Variants in ADAP1 observed in about 807,000 individuals in gnomAD.
ADAP1 encodes arf-GAP with dual PH domain-containing protein 1.
ADAP1 carries 31 observed loss-of-function variants against 54.9 expected under a neutral mutation model. The observed-to-expected ratio is 0.56, with a 90% confidence interval of 0.42 to 0.76. ADAP1 has a LOEUF of 0.76. Among genes scored for constraint, ADAP1 ranks in the 30% least tolerant of loss-of-function variants. The pLI is 0.00. For synonymous variants in ADAP1, 313 were observed against 202.6 expected, an observed-to-expected ratio of 1.55 and a Z score of -4.63; for missense variants, 535 against 512.4, an observed-to-expected ratio of 1.04 and a Z score of -0.42.
chr7:905,268 GAC>G (rs2128095032), intron 4 of ADAP1, 96 bp from the exon 5 acceptor site: 1 of 664,732 alleles, frequency 1.5e-6, no homozygotes, highest in East Asian at 4.0e-5. Context: ...ATGGGGAGAA[GAC>G]ACGGGGGACA....
At chr7:904,534 GC>G (rs1265075222) in intron 5 of ADAP1, among the ~76,000 whole-genome samples, 18 of 152,134 alleles carry the variant, frequency 1.2e-4, no homozygotes, top group Non-Finnish European at 2.5e-4. Context: ...CCCGGGGGCA[GC>G]CCCGGGCCCC....
chr7:955,138 G>A, upstream of ADAP1: 1 of 643,378 alleles, frequency 1.6e-6, no homozygotes, highest in South Asian at 1.8e-5. Flanking sequence ...GGCCACACAG[G>A]GCCCAGACGG....
At chr7:899,819 T>C (rs35682451) in intron 8 of ADAP1, among the ~76,000 whole-genome samples, 19,455 of 152,094 alleles carry the variant, frequency 0.13, 1,647 homozygotes, top group Admixed American at 0.29. Context: ...TCCCACATTA[T>C]GCCTCAGGGA....
chr7:905,302 GGGAGACGGACGGGGA>G (rs1342365081), intron 4 of ADAP1, 130 bp from the exon 5 acceptor site: 4,305 of 356,752 alleles, frequency 0.012, 463 homozygotes, highest in Non-Finnish European at 0.013. Flanking sequence ...CACGGACAGG[GGGAGACGGACGGGGA>G]GAGGGGACAT....
Position 900,883 on chromosome 7 carries a change from A to AGGGCCGGGCC in ADAP1, c.649-277_649-268dup, listed in dbSNP as rs768360845. 2.8e-3 allele frequency: 1,084 copies of AGGGCCGGGCC among 393,408 alleles called. 7 individuals are homozygous for AGGGCCGGGCC. The highest frequency in any genetic ancestry group is 0.012 in the Middle Eastern group (19 of 1,578). The allele number at this position is 393,408 out of a possible 1,614,324, so 24.4% of individuals were successfully genotyped here. A position where few individuals can be genotyped will look rare whatever the true frequency, so the allele number is the denominator to read the frequency against. ...GTCCTGAGAAGGGCCGAAGGGCCGA[A>AGGGCCGGGCC]GGGCCGGGCCGGGCCGGGCTGGACA... is the stretch of plus-strand genomic sequence containing the variant. On this transcript the variant is annotated intron_variant, in intron 6 of 10. Transcript: ENST00000265846.
At position 945,891 on chromosome 7, in the gene ADAP1, AGGCTGGGGCACG is replaced by A. The variant is rs2128111857; in HGVS notation, c.82+8493_82+8504del. ...AGGCGTGTCCCCCAAGCCAAGGCCC[AGGCTGGGGCACG>A]GGCAGGGGGAAGGGCAGTAGCCAAG... On this transcript the variant is annotated intron_variant, in intron 1 of 10. Coordinates refer to ENST00000265846, the MANE Select transcript of ADAP1 (RefSeq NM_006869.4). The surrounding 1 kb of genome is among the most constrained non-coding windows in gnomAD (Gnocchi z 4.2). The A allele has an allele frequency of 2.1e-6, 2 of 939,898 alleles. No homozygotes were observed. The highest frequency in any genetic ancestry group is 2.3e-4 in the East Asian group (2 of 8,622). The allele number at this position is 939,898 out of a possible 1,614,324, so 58.2% of individuals were successfully genotyped here.
At chr7:947,017 G>A (rs895218077) in intron 1 of ADAP1, among the ~76,000 whole-genome samples, 5 of 152,012 alleles carry the variant, frequency 3.3e-5, no homozygotes, top group Non-Finnish European at 7.4e-5. Context: ...CATATGAATT[G>A]CACCTCGATT....
chr7:937,101 C>T (rs1040964369), intron 1 of ADAP1, among the ~76,000 whole-genome samples: 1 of 114,000 alleles, frequency 8.8e-6, no homozygotes, highest in African/African-American at 3.6e-5. Context: ...CACGCCGGGC[C>T]TCGGATTTGG....
rs201861746 is a variant in ADAP1, at chr7:929,528, A to AC, written c.214-2885_214-2884insG. 8.7e-3 allele frequency among the ~76,000 whole-genome samples: 1,293 copies of AC among 148,944 alleles called. 124 individuals are homozygous for AC. In the East Asian group the frequency reaches 0.21, roughly 24 times the overall value. On this transcript the variant is annotated intron_variant, in intron 2 of 10. Coordinates refer to ENST00000265846, the MANE Select transcript of ADAP1 (RefSeq NM_006869.4). ...ACACCCTGTCTCAAAAAAAAAAAAAAAAAAAAACAAGACCACGTATTGCAT... is the reference window on the plus strand; with the variant it reads ...ACACCCTGTCTCAAAAAAAAAAAAAACAAAAAAACAAGACCACGTATTGCAT...
chr7:913,709 C>T (rs952241714), intron 4 of ADAP1, among the ~76,000 whole-genome samples: 8 of 151,880 alleles, frequency 5.3e-5, no homozygotes, highest in Admixed American at 2.0e-4. Flanking sequence ...CCGAGGCGGG[C>T]GGGTCACCTG....
chr7:922,452 A>C (rs1846224484), intron 3 of ADAP1, among the ~76,000 whole-genome samples: 2 of 152,178 alleles, frequency 1.3e-5, no homozygotes, highest in African/African-American at 4.8e-5. Context: ...TCTGAGCCCC[A>C]GAAGCCACTT....
At chr7:915,690 G>A (rs1487719304) in intron 4 of ADAP1, among the ~76,000 whole-genome samples, 1 of 149,996 alleles carries the variant, frequency 6.7e-6, no homozygotes, top group African/African-American at 2.4e-5. Context: ...AGTGGGGCAG[G>A]AACAGGATTC....
chr7:920,132 A>G lies in ADAP1; in HGVS notation c.306-82T>C. 7.6e-7 allele frequency: 1 copy of G among 1,322,998 alleles called. No homozygotes were observed. The highest frequency in any genetic ancestry group is 1.1e-6 in the Non-Finnish European group (1 of 948,382). 82.0% of individuals were successfully genotyped at this position (1,322,998 alleles called of 1,614,324 possible). ...CGCCGCTCTCTGGCCCGGACCCTGG[A>G]CATCTCAAGAGGCTCATAGGGACCC... On this transcript the variant is annotated intron_variant, in intron 3 of 10. Coordinates refer to ENST00000265846, the MANE Select transcript of ADAP1 (RefSeq NM_006869.4). The surrounding 1 kb of genome is among the most constrained non-coding windows in gnomAD (Gnocchi z 4.5).
chr7:907,201 C>T (rs986231984), intron 4 of ADAP1, among the ~76,000 whole-genome samples: 1 of 152,180 alleles, frequency 6.6e-6, no homozygotes, highest in African/African-American at 2.4e-5. Flanking sequence ...AAAAGTAGCC[C>T]GGGCATCCCC....
chr7:954,625 C>T lies in ADAP1; in HGVS notation c.-148G>A, dbSNP rs1562940772. On this transcript the variant is annotated 5_prime_UTR_variant, in exon 1 of 11. Transcript: ENST00000265846. ...CCGCGCGCCGGTTCCGCATTCCCGC[C>T]GCCCTCTGGGCTCCGCCGCCGCCGC... 2.0e-6 allele frequency: 2 copies of T among 982,570 alleles called. No homozygotes were observed. Among genetic ancestry groups the T allele is most frequent in the Non-Finnish European group, 2.4e-6 (2 of 828,986 alleles). 60.9% of individuals were successfully genotyped at this position (982,570 alleles called of 1,614,324 possible).
intron 7 of ADAP1, 103 bp from the exon 8 acceptor site, chr7:900,267 T>C: frequency 7.0e-7 from 1 of 1,422,192 alleles, no homozygotes; most frequent in East Asian, 2.3e-5. Context: ...GGCCACCAGG[T>C]CAGGGCCCAG....
In ADAP1 at chr7:949,564, C is replaced by T. The variant is rs147584852; in HGVS notation, c.82+4832G>A. ...TGAGGTCTAGCTCACAGCATCTGTG[C>T]GTCGGGGAAGCTGGCTGCGGTCACG... On this transcript the variant is annotated intron_variant, in intron 1 of 10. Transcript: ENST00000265846. Among the ~76,000 whole-genome samples the T allele has an allele frequency of 2.7e-3, 407 of 152,340 alleles. 1 individual carries two copies. The highest frequency in any genetic ancestry group is 9.4e-3 in the African/African-American group (392 of 41,578).
intron 4 of ADAP1, among the ~76,000 whole-genome samples, chr7:915,549 C>T (rs534989674): frequency 3.3e-5 from 5 of 152,350 alleles, no homozygotes; most frequent in East Asian, 1.9e-4. Context: ...ACCTCTGCCC[C>T]GACTCTACCC....
intron 2 of ADAP1, among the ~76,000 whole-genome samples, chr7:929,556 T>C (rs1234510486): frequency 6.7e-6 from 1 of 150,032 alleles, no homozygotes; most frequent in Non-Finnish European, 1.5e-5. Flanking sequence ...TATTGCATGA[T>C]TCCATCTGTT....
Sources: allele counts gnomAD v4.1 joint callset (sites outside exome capture counted in the v4.1 genomes callset), GRCh38; gene constraint gnomAD v4.1.1; non-coding constraint Gnocchi (gnomAD v3.1); transcripts MANE v1.5; gene names NCBI Gene and HGNC (gene_info 2026-07-23, HGNC 2026-07-21).